Variants in FMN1 observed in about 807,000 individuals in gnomAD.
The protein encoded by FMN1 is formin-1.
In FMN1, 110 loss-of-function variants were observed where a neutral mutation model predicts 132.4. The ratio of observed to expected loss-of-function variants is 0.83; its 90% CI spans 0.71 to 0.97. The LOEUF (loss-of-function observed/expected upper bound fraction) is 0.97. Among genes scored for constraint, FMN1 ranks in the 50% least tolerant of loss-of-function variants. The pLI, the probability that FMN1 is intolerant of heterozygous loss-of-function variation, is 0.00. For synonymous variants in FMN1, 722 were observed against 651.7 expected, an observed-to-expected ratio of 1.11 and a Z score of -1.64; for missense variants, 1,792 against 1,705.3, an observed-to-expected ratio of 1.05 and a Z score of -0.90.
intron 5 of FMN1, among the ~76,000 whole-genome samples, chr15:33,082,855 A>G (rs2038537944): frequency 6.6e-6 from 1 of 152,024 alleles, no homozygotes; most frequent in South Asian, 2.1e-4. Flanking sequence ...AATATAGGAT[A>G]CCCAGTTAAA....
intron 6 of FMN1, among the ~76,000 whole-genome samples, chr15:33,044,363 C>G (rs2036580580): frequency 6.6e-6 from 1 of 152,230 alleles, no homozygotes; most frequent in Admixed American, 6.5e-5. Flanking sequence ...GCCAGTCCCA[C>G]AGAGCACAGT....
At chr15:32,809,695 G>A (rs2057806281) in intron 17 of FMN1, among the ~76,000 whole-genome samples, 1 of 151,888 alleles carries the variant, frequency 6.6e-6, no homozygotes, top group African/African-American at 2.4e-5. Context: ...CCTCTGAGGG[G>A]CCCTCCATGC....
chr15:33,016,546 G>A (rs753262112), intron 6 of FMN1, among the ~76,000 whole-genome samples: 1 of 152,130 alleles, frequency 6.6e-6, no homozygotes, highest in Non-Finnish European at 1.5e-5. Flanking sequence ...TAGATTCAAA[G>A]GCAGTGAAGT....
intron 16 of FMN1, chr15:32,860,809 C>T (rs1380895310): frequency 6.6e-6 from 1 of 152,110 alleles, no homozygotes; most frequent in Non-Finnish European, 1.5e-5. Context: ...TGAGGTGTCC[C>T]AAGATGATCT....
intron 4 of FMN1, among the ~76,000 whole-genome samples, chr15:33,124,751 T>TA (rs1962888384): frequency 6.6e-6 from 1 of 152,112 alleles, no homozygotes; most frequent in Non-Finnish European, 1.5e-5. Flanking sequence ...AGACACTAAA[T>TA]AGCACTCCTT....
chr15:33,046,833 T>C, intron 6 of FMN1, among the ~76,000 whole-genome samples: 1 of 80,802 alleles, frequency 1.2e-5, no homozygotes, highest in East Asian at 2.3e-4. Flanking sequence ...GAAAAAATGA[T>C]TTCTGAGGCT....
chr15:33,033,982 C>CA (rs1288212592), intron 6 of FMN1, among the ~76,000 whole-genome samples: 1 of 152,104 alleles, frequency 6.6e-6, no homozygotes, highest in African/African-American at 2.4e-5. Context: ...CTCTTCATCT[C>CA]AGTCTCTTTC....
chr15:32,813,716 C>T (rs984244808), intron 17 of FMN1, among the ~76,000 whole-genome samples: 2 of 152,134 alleles, frequency 1.3e-5, no homozygotes, highest in Admixed American at 6.5e-5. Flanking sequence ...ACAGTATAAC[C>T]TTAACCTTGC....
rs74014361 is a variant in FMN1, at chr15:32,964,014, G to T, written c.3138+93C>A. ...TAGGTATGTGTGTGTGTGTATATAC[G>T]ATACACACACACACACACACACACA... On this transcript the variant is annotated intron_variant, in intron 9 of 20. Transcript: ENST00000616417. The T allele has an allele frequency of 0.021, 7,312 of 341,558 alleles. 112 individuals are homozygous for T. The highest frequency in any genetic ancestry group is 0.086 in the African/African-American group (3,296 of 38,112). The allele number at this position is 341,558 out of a possible 1,614,324, so 21.2% of individuals were successfully genotyped here. A position where few individuals can be genotyped will look rare whatever the true frequency, so the allele number is the denominator to read the frequency against.
rs1159889872 is a variant in FMN1, at chr15:32,798,216, A to ACC, written c.4130+586_4130+587dup. On this transcript the variant is annotated intron_variant, in intron 19 of 20. Coordinates refer to ENST00000616417, the MANE Select transcript of FMN1 (RefSeq NM_001277313.2). ...CACACACACACACACACACACACAC[A>ACC]CCCCGTCTATATTCAGAGTTGAGGT... Among the ~76,000 whole-genome samples, 924 of 140,974 alleles carry ACC rather than the reference A, an allele frequency of 6.6e-3. 11 individuals are homozygous for ACC. Among genetic ancestry groups the ACC allele is most frequent in the African/African-American group, 0.023 (875 of 38,544 alleles). The allele number at this position is 140,974 out of a possible 152,430, so 92.5% of individuals were successfully genotyped here.
chr15:32,880,458 C>T (rs1394999630), intron 16 of FMN1, among the ~76,000 whole-genome samples: 1 of 152,144 alleles, frequency 6.6e-6, no homozygotes, highest in Non-Finnish European at 1.5e-5. Flanking sequence ...TTAATCAAAT[C>T]TGAAATGTTT....
rs568482092 is a variant in FMN1, at chr15:32,768,392, TAACA to T, written c.*5914_*5917del. 27 of 152,316 alleles carry T rather than the reference TAACA, an allele frequency of 1.8e-4. No homozygotes were observed. The highest frequency in any genetic ancestry group is 6.0e-4 in the African/African-American group (25 of 41,558). The allele number at this position is 152,316 out of a possible 1,614,324, so 9.4% of individuals were successfully genotyped here. A position where few individuals can be genotyped will look rare whatever the true frequency, so the allele number is the denominator to read the frequency against. On this transcript the variant is annotated 3_prime_UTR_variant, in exon 21 of 21. Transcript: ENST00000616417. The stretch of plus-strand genomic sequence containing the variant: ...GCAGGTACACGTTTGCCAAGGACAT[TAACA>T]AACAATTGCTAATGTGTGCCTGAAA...
chr15:33,166,337 T>TA, intron 3 of FMN1, among the ~76,000 whole-genome samples: 1 of 151,384 alleles, frequency 6.6e-6, no homozygotes, highest in African/African-American at 2.4e-5. Flanking sequence ...TTTTTTTTTT[T>TA]AAAGAAAGAC....
chr15:33,194,479 A>T (rs553704542), intron 1 of FMN1, 99 bp downstream of exon 1: 63 of 152,878 alleles, frequency 4.1e-4, no homozygotes, highest in African/African-American at 1.4e-3. Context: ...GCCTCATTCC[A>T]AGAACCCTGA....
At chr15:32,865,484 G>T (rs1327960525) in intron 16 of FMN1, among the ~76,000 whole-genome samples, 3 of 152,194 alleles carry the variant, frequency 2.0e-5, no homozygotes, top group Non-Finnish European at 2.9e-5. Context: ...AGATGCACAT[G>T]TAATTGAGAA....
intron 4 of FMN1, among the ~76,000 whole-genome samples, chr15:33,114,385 A>G (rs2039831177): frequency 6.6e-6 from 1 of 152,242 alleles, no homozygotes; most frequent in Non-Finnish European, 1.5e-5. Flanking sequence ...AGACCTAAAC[A>G]TAAATATATG....
chr15:32,930,724 G>GGT (rs2061092948), intron 9 of FMN1, among the ~76,000 whole-genome samples: 1 of 151,670 alleles, frequency 6.6e-6, no homozygotes, highest in African/African-American at 2.4e-5. Context: ...TTTTTTTGGG[G>GGT]GGGGGCGGTC....
Position 33,105,523 on chromosome 15 carries a change from G to A in FMN1, c.1868-16549C>T, listed in dbSNP as rs561345293. 1.2e-4 allele frequency among the ~76,000 whole-genome samples: 19 copies of A among 152,202 alleles called. No homozygotes were observed. The East Asian group carries it at 3.7e-3, about 29-fold the overall frequency. On this transcript the variant is annotated intron_variant, in intron 4 of 20. Transcript: ENST00000616417. Reference sequence around the variant, plus strand: ...CTTCACCAAAGAATCCAGACCAGCTGAAATGCTGCCTAAAGGCAAGGCTGA... The same window carrying A: ...CTTCACCAAAGAATCCAGACCAGCTAAAATGCTGCCTAAAGGCAAGGCTGA...
At chr15:32,891,161 G>C (rs571231108) in intron 15 of FMN1, among the ~76,000 whole-genome samples, 1 of 152,330 alleles carries the variant, frequency 6.6e-6, no homozygotes, top group African/African-American at 2.4e-5. Flanking sequence ...AGTATAGTTT[G>C]AAATCAGGTA....
Sources: allele counts gnomAD v4.1 joint callset (sites outside exome capture counted in the v4.1 genomes callset), GRCh38; gene constraint gnomAD v4.1.1; transcripts MANE v1.5; gene names NCBI Gene and HGNC (gene_info 2026-07-23, HGNC 2026-07-21).